RLN2: variants seen among roughly 807,000 people sequenced by gnomAD.
RLN2 encodes the protein relaxin 2, also known as prorelaxin H2.
In RLN2, 10 loss-of-function variants were observed where a neutral mutation model predicts 7.3. The ratio of observed to expected loss-of-function variants is 1.36; its 90% CI spans 0.84 to 2.31. The LOEUF (loss-of-function observed/expected upper bound fraction) is 2.31, where lower values mean the gene tolerates loss of function less well. Ranked by LOEUF, RLN2 falls within the 30% of genes most tolerant of loss-of-function variation. RLN2 has a pLI of 0.00. For synonymous variants in RLN2, 103 were observed against 82.3 expected, an observed-to-expected ratio of 1.25 and a Z score of -1.36; for missense variants, 298 against 217.6, an observed-to-expected ratio of 1.37 and a Z score of -2.32.
chr9:5,306,758 C>T (rs1816258942), upstream of RLN2, among the ~76,000 whole-genome samples: 1 of 152,048 alleles, frequency 6.6e-6, no homozygotes. Flanking sequence ...TATCCTAGAT[C>T]CAGTTCCAGT....
chr9:5,304,400 C>T lies in RLN2; in HGVS notation c.181G>A (p.Asp61Asn). Residue 61 changes from aspartate (D) to asparagine (N), a missense_variant, in exon 1 of 2, where the codon GAT becomes AAT. Physicochemically the swap from Asp to Asn is conservative, Grantham distance 23. Transcript: ENST00000381627. ...TWSKRSLSQEDAPQTPRPVAE... is the reference protein window; with the variant it reads ...TWSKRSLSQENAPQTPRPVAE... ...ACTGGTCTAGGTGTCTGAGGAGCATCTTCCTGGCTCAGAGACCTTTTGCTC... is the reference window on the plus strand; with the variant it reads ...ACTGGTCTAGGTGTCTGAGGAGCATTTTCCTGGCTCAGAGACCTTTTGCTC... 1 of 1,608,374 alleles carries T rather than the reference C, an allele frequency of 6.2e-7. No homozygotes were observed. Among genetic ancestry groups the T allele is most frequent in the Middle Eastern group, 1.8e-4 (1 of 5,626 alleles).
rs1450373279 is a variant in RLN2 at position 5,300,306 on chromosome 9, G to C, written c.350C>G (p.Pro117Arg). 2.5e-6 allele frequency: 4 copies of C among 1,613,978 alleles called. No individual in the cohort carries two copies. Among genetic ancestry groups the C allele is most frequent in the Admixed American group, 3.3e-5 (2 of 60,014 alleles). ...GAGAAGACTGGAATCTTTTAATACA[G>C]GTACATGTTGTTGTAGCTGTGGTAA... The part of the protein sequence containing the change: ...PALPQLQQHV[P>R]VLKDSSLLFE... The change falls in exon 2 of 2, where the codon CCT becomes CGT. Residue 117 changes from proline (P) to arginine (R), a missense_variant. By Grantham distance (103) the Pro-to-Arg change is moderately radical. Transcript: ENST00000381627.
At chr9:5,314,354 C>T in the RLN2 span, among the ~76,000 whole-genome samples, 1 of 152,016 alleles carries the variant, frequency 6.6e-6, no homozygotes, top group Non-Finnish European at 1.5e-5. Flanking sequence ...CCACCCACCC[C>T]TCCAAGTTGC....
At chr9:5,319,293 G>T in the RLN2 span, among the ~76,000 whole-genome samples, 2 of 151,924 alleles carry the variant, frequency 1.3e-5, no homozygotes, top group Admixed American at 6.6e-5. Flanking sequence ...AACTGAGGGT[G>T]AGCAGGGAAG....
the RLN2 span, among the ~76,000 whole-genome samples, chr9:5,316,106 G>A: frequency 6.6e-6 from 1 of 151,880 alleles, no homozygotes; most frequent in Non-Finnish European, 1.5e-5. Flanking sequence ...TAGCATGAAG[G>A]TTAAAAACCA....
the RLN2 span, among the ~76,000 whole-genome samples, chr9:5,312,357 T>C: frequency 1.3e-5 from 2 of 152,184 alleles, no homozygotes; most frequent in East Asian, 3.9e-4. Flanking sequence ...ATCTGGACTT[T>C]CCAGTGATGC....
the RLN2 span, among the ~76,000 whole-genome samples, chr9:5,337,412 C>A: frequency 1.3e-5 from 2 of 152,128 alleles, no homozygotes; most frequent in East Asian, 1.9e-4. Flanking sequence ...GGAACCTAGG[C>A]TCAGAGAAAA....
the RLN2 span, among the ~76,000 whole-genome samples, chr9:5,333,480 C>A: frequency 6.6e-6 from 1 of 151,958 alleles, no homozygotes; most frequent in Non-Finnish European, 1.5e-5. Flanking sequence ...CAGGAAGAAG[C>A]TGAATCCCTG....
chr9:5,311,993 G>T, the RLN2 span, among the ~76,000 whole-genome samples: 1 of 151,930 alleles, frequency 6.6e-6, no homozygotes, highest in African/African-American at 2.4e-5. Flanking sequence ...CGAAGGACAT[G>T]AACAGAATTT....
the RLN2 span, among the ~76,000 whole-genome samples, chr9:5,321,718 G>A: frequency 1.5e-5 from 2 of 130,840 alleles, no homozygotes; most frequent in Non-Finnish European, 3.3e-5. Flanking sequence ...TGGCTTGGAG[G>A]CATCTGCCTA....
chr9:5,330,616 C>T, the RLN2 span, among the ~76,000 whole-genome samples: 10 of 123,772 alleles, frequency 8.1e-5, no homozygotes, highest in African/African-American at 2.3e-4. Context: ...CCAGCCTGGG[C>T]GACAGAGCAA....
chr9:5,328,287 C>T, the RLN2 span, among the ~76,000 whole-genome samples: 6 of 151,664 alleles, frequency 4.0e-5, no homozygotes, highest in African/African-American at 1.2e-4. Flanking sequence ...ATTGCTGATT[C>T]GATCAAGTGG....
chr9:5,304,313 G>A, intron 1 of RLN2, 57 bp downstream of exon 1: 2 of 1,282,342 alleles, frequency 1.6e-6, no homozygotes, highest in Non-Finnish European at 1.1e-6. Context: ...TTGGGCGGCC[G>A]CCCCAGAGTA....
chr9:5,317,972 T>C, the RLN2 span, among the ~76,000 whole-genome samples: 243 of 147,664 alleles, frequency 1.6e-3, 5 homozygotes, highest in African/African-American at 5.7e-3. Context: ...TGGAAGAGAA[T>C]TTCACAGTAT....
chr9:5,301,399 A>C (rs1406315842), intron 1 of RLN2, among the ~76,000 whole-genome samples: 1 of 152,236 alleles, frequency 6.6e-6, no homozygotes, highest in African/African-American at 2.4e-5. Flanking sequence ...TGCCAGTTAA[A>C]AGATATAAAT....
At chr9:5,301,767 G>T (rs1179609139) in intron 1 of RLN2, among the ~76,000 whole-genome samples, 1 of 152,028 alleles carries the variant, frequency 6.6e-6, no homozygotes, top group East Asian at 1.9e-4. Flanking sequence ...GAGTTTTCTG[G>T]CAAGAGATTC....
At chr9:5,316,928 G>T in the RLN2 span, among the ~76,000 whole-genome samples, 1 of 152,020 alleles carries the variant, frequency 6.6e-6, no homozygotes, top group Non-Finnish European at 1.5e-5. Context: ...TATGTAAATT[G>T]TGAAATCAAA....
At chr9:5,316,333 T>A in the RLN2 span, among the ~76,000 whole-genome samples, 1 of 151,960 alleles carries the variant, frequency 6.6e-6, no homozygotes, top group African/African-American at 2.4e-5. Flanking sequence ...ACACTTTAAG[T>A]TCTGAATGTA....
At chr9:5,318,563 C>A in the RLN2 span, among the ~76,000 whole-genome samples, 2 of 151,998 alleles carry the variant, frequency 1.3e-5, no homozygotes, top group South Asian at 2.1e-4. Flanking sequence ...GGTCTCTTAA[C>A]ATTAATGTTT....
Sources: gnomAD v4.1 joint callset for allele counts (sites outside exome capture counted in the v4.1 genomes callset) on GRCh38, gnomAD v4.1.1 for gene constraint, MANE v1.5 for transcripts, NCBI Gene and HGNC (gene_info 2026-07-23, HGNC 2026-07-21) for gene names.